The following TRIM34 variants were observed in gnomAD, a reference collection of about 807,000 sequenced individuals.
TRIM34 encodes the protein E3 ubiquitin-protein ligase TRIM34.
Under a neutral mutation model 38.1 loss-of-function variants are expected in TRIM34, and 41 were observed. The observed-to-expected ratio is 1.08, with a 90% CI of 0.84 to 1.40. TRIM34 has a LOEUF of 1.40. Among genes scored for constraint, TRIM34 ranks in the 40% most tolerant of loss-of-function variants. The pLI is 0.00. For synonymous variants in TRIM34, 200 were observed against 202.5 expected (o/e 0.99, Z 0.10); for missense variants, 556 against 571.4 (o/e 0.97, Z 0.27).
In TRIM34 at chr11:5,632,475, C is replaced by A. The variant is rs953609081; in HGVS notation, c.144C>A (p.Thr48=). The A allele has an allele frequency of 6.2e-7, 1 of 1,613,998 alleles. No individual in the cohort carries two copies. The highest frequency in any genetic ancestry group is 2.2e-5 in the East Asian group (1 of 44,854). ...CTGTGAGCAACAAGGAGGCAGTGAC[C>A]AGCATGGGAGGAAAAAGCAGCTGTC... ...CITVSNKEAV[T]SMGGKSSCPV... is the part of the protein sequence containing the mutation. The change falls in exon 2 of 8, where the codon ACC becomes ACA. Residue 48 remains threonine (T), a synonymous_variant. Transcript: ENST00000429814.
In TRIM34 at chr11:5,644,125, C is replaced by G. The variant is rs1850139810; in HGVS notation, c.*416C>G. The G allele has an allele frequency of 2.5e-6, 1 of 401,276 alleles. No individual in the cohort carries two copies. Among genetic ancestry groups the G allele is most frequent in the Non-Finnish European group, 4.4e-6 (1 of 228,038 alleles). 24.9% of individuals were successfully genotyped at this position (401,276 alleles called of 1,614,324 possible). The stretch of plus-strand genomic sequence containing the variant: ...ATGTCAGTGTGTTGCTCAGGATACC[C>G]CAGGTACATCAAGGAATCAAGGAGA... On this transcript the variant is annotated 3_prime_UTR_variant, in exon 8 of 8. Coordinates refer to ENST00000429814, the MANE Select transcript of TRIM34 (RefSeq NM_021616.6).
intron 1 of TRIM34, among the ~76,000 whole-genome samples, chr11:5,628,839 C>A (rs1040080541): frequency 1.3e-5 from 2 of 150,152 alleles, no homozygotes; most frequent in African/African-American, 4.9e-5. Flanking sequence ...ATGTGAAAAT[C>A]GGTTCTATTC....
chr11:5,627,981 C>A (rs946331638), intron 1 of TRIM34, among the ~76,000 whole-genome samples: 1 of 152,208 alleles, frequency 6.6e-6, no homozygotes, highest in East Asian at 1.9e-4. Context: ...GGTATAATCA[C>A]CTGGCAGCTA....
At chr11:5,637,376 A>G (rs1849792028) in intron 4 of TRIM34, among the ~76,000 whole-genome samples, 1 of 152,148 alleles carries the variant, frequency 6.6e-6, no homozygotes, top group African/African-American at 2.4e-5. Flanking sequence ...ACTGCCAAAG[A>G]ACGATCTAGA....
rs1298489074 is a variant in TRIM34 at position 5,632,285 on chromosome 11, G to C, written c.-47G>C. 1.8e-5 allele frequency: 29 copies of C among 1,612,876 alleles called. No individual in the cohort carries two copies. The highest frequency in any genetic ancestry group is 2.3e-5 in the Non-Finnish European group (27 of 1,179,400). On this transcript the variant is annotated 5_prime_UTR_variant, in exon 2 of 8. Coordinates refer to ENST00000429814, the MANE Select transcript of TRIM34 (RefSeq NM_021616.6). Reference sequence around the variant, plus strand: ...CAGGGGTCTTTAACCAGAAGAGAGAGGAGAGCCTCAGGAGTTAGGACCAGA... The same window carrying C: ...CAGGGGTCTTTAACCAGAAGAGAGACGAGAGCCTCAGGAGTTAGGACCAGA...
Position 5,629,979 on chromosome 11 carries a change from T to G in TRIM34, c.-77-2276T>G, listed in dbSNP as rs544038886. ...CCTCGGCCTCCCAAAGTGCTGAGAT[T>G]ACAGGGGTGAGCCACCGCGCCCGGC... On this transcript the variant is annotated intron_variant, in intron 1 of 7. Transcript: ENST00000429814. 9.9e-5 allele frequency among the ~76,000 whole-genome samples: 15 copies of G among 152,260 alleles called. No individual in the cohort carries two copies. The South Asian group carries it at 3.1e-3, about 32-fold the overall frequency.
At chr11:5,624,006 A>G (rs1463093394), upstream of TRIM34, among the ~76,000 whole-genome samples, 3 of 152,170 alleles carry the variant, frequency 2.0e-5, no homozygotes, top group African/African-American at 4.8e-5. Context: ...TATATTCCTC[A>G]TGAAAATGGA....
chr11:5,626,793 A>T (rs1466214366), intron 1 of TRIM34: 4 of 151,818 alleles, frequency 2.6e-5, no homozygotes, highest in Non-Finnish European at 4.4e-5. Context: ...GAGGCAGGAG[A>T]ATCAGTTGAA....
rs1347762597 is a variant in TRIM34 at position 5,632,587 on chromosome 11, T to C, written c.256T>C (p.Leu86=). 1.9e-6 allele frequency: 3 copies of C among 1,613,722 alleles called. No individual in the cohort carries two copies. The highest frequency in any genetic ancestry group is 2.2e-5 in the South Asian group (2 of 91,014). ...NIVERLKEVK[L]SPDNGKKRDL... ...AGTGGAGAGACTCAAGGAGGTCAAG[T>C]TGAGCCCAGACAATGGGAAGAAGAG... The change falls in exon 2 of 8, where the codon TTG becomes CTG. Residue 86 remains leucine, a synonymous_variant. Coordinates refer to ENST00000429814, the MANE Select transcript of TRIM34 (RefSeq NM_021616.6).
At chr11:5,622,401 C>T (rs1379770353), upstream of TRIM34, among the ~76,000 whole-genome samples, 2 of 150,522 alleles carry the variant, frequency 1.3e-5, no homozygotes, top group Admixed American at 6.6e-5. Flanking sequence ...GCCGAGATCA[C>T]GCCACTGCAC....
At chr11:5,625,224 T>A (rs1286753965) in intron 1 of TRIM34, among the ~76,000 whole-genome samples, 164 bp downstream of exon 1, 1 of 152,178 alleles carries the variant, frequency 6.6e-6, no homozygotes, top group Admixed American at 6.5e-5. Flanking sequence ...GATAGCAGCC[T>A]AGAGTCTGGG....
rs59472811 is a variant in TRIM34, at chr11:5,643,126, T to TATATA, written c.902-18_902-17insATATA. 0.19 allele frequency: 205,854 copies of TATATA among 1,076,918 alleles called. 19,092 individuals are homozygous for TATATA. The highest frequency in any genetic ancestry group is 0.4 in the East Asian group (11,779 of 29,608). 66.7% of individuals were successfully genotyped at this position (1,076,918 alleles called of 1,614,324 possible). ...TTATATTCATATACATATATATATA[T>TATATA]TTTTTTTTTTCTTGCAGTGGATGTC... On this transcript the variant is annotated splice_polypyrimidine_tract_variant and intron_variant, in intron 7 of 7. Coordinates refer to ENST00000429814, the MANE Select transcript of TRIM34 (RefSeq NM_021616.6).
upstream of TRIM34, among the ~76,000 whole-genome samples, chr11:5,622,945 A>G (rs1011436377): frequency 1.3e-5 from 2 of 152,190 alleles, no homozygotes; most frequent in Admixed American, 6.5e-5. Context: ...ATCAATCAAT[A>G]TATGTCCGCA....
At chr11:5,627,833 A>G (rs1849311195) in intron 1 of TRIM34, among the ~76,000 whole-genome samples, 1 of 152,198 alleles carries the variant, frequency 6.6e-6, no homozygotes, top group Non-Finnish European at 1.5e-5. Flanking sequence ...TTGTCTAGAA[A>G]CTTCAAAAGA....
chr11:5,628,642 G>T (rs1849345705), intron 1 of TRIM34, among the ~76,000 whole-genome samples: 1 of 152,110 alleles, frequency 6.6e-6, no homozygotes, highest in African/African-American at 2.4e-5. Context: ...TTCCTAAGTT[G>T]TCACACATCA....
upstream of TRIM34, among the ~76,000 whole-genome samples, chr11:5,621,727 G>A (rs1848997389): frequency 6.6e-6 from 1 of 152,150 alleles, no homozygotes; most frequent in African/African-American, 2.4e-5. Context: ...TCATCCCTCT[G>A]CTCACTGACA....
At chr11:5,624,890 T>C (rs1446657020), upstream of TRIM34, 2 of 152,288 alleles carry the variant, frequency 1.3e-5, no homozygotes, top group Non-Finnish European at 2.9e-5. Flanking sequence ...TCCCCTTTTC[T>C]CTTCCTGACA....
At chr11:5,623,894 G>T (rs1207676560), upstream of TRIM34, among the ~76,000 whole-genome samples, 2 of 152,188 alleles carry the variant, frequency 1.3e-5, no homozygotes, top group African/African-American at 4.8e-5. Context: ...TACCTTGTCA[G>T]GTGGTTTCCA....
intron 2 of TRIM34, 51 bp from the exon 3 acceptor site, chr11:5,633,753 A>C: frequency 6.4e-7 from 1 of 1,564,802 alleles, no homozygotes; most frequent in South Asian, 1.2e-5. Context: ...TCCTCTATCC[A>C]GATACTAAGA....
Sources: gnomAD v4.1 joint callset for allele counts (sites outside exome capture counted in the v4.1 genomes callset) on GRCh38, gnomAD v4.1.1 for gene constraint, MANE v1.5 for transcripts, NCBI Gene and HGNC (gene_info 2026-07-23, HGNC 2026-07-21) for gene names.